ARB2A: variants seen among roughly 807,000 people sequenced by gnomAD.
The protein encoded by ARB2A is ARB2 cotranscriptional regulator A.
chr5:93,765,148 CCT>C, the ARB2A span, among the ~76,000 whole-genome samples: 1 of 152,110 alleles, frequency 6.6e-6, no homozygotes, highest in Admixed American at 6.5e-5. Context: ...ACAGGGATGC[CCT>C]CTCTCACCAC....
chr5:94,029,646 A>G, the ARB2A span, among the ~76,000 whole-genome samples: 1 of 151,678 alleles, frequency 6.6e-6, no homozygotes, highest in African/African-American at 2.4e-5. Context: ...AACTTTGTTC[A>G]CTTAGGTAAA....
At chr5:93,701,169 C>T in the ARB2A span, among the ~76,000 whole-genome samples, 1 of 152,108 alleles carries the variant, frequency 6.6e-6, no homozygotes, top group African/African-American at 2.4e-5. Context: ...GTAGTGTTTG[C>T]ACTTTCATTA....
At chr5:93,921,371 G>A in the ARB2A span, among the ~76,000 whole-genome samples, 3 of 152,124 alleles carry the variant, frequency 2.0e-5, no homozygotes, top group Non-Finnish European at 4.4e-5. Flanking sequence ...TTAAAGGAAG[G>A]TGAAGGATCT....
At chr5:94,069,006 GCCTCGGCAACA>G in the ARB2A span, among the ~76,000 whole-genome samples, 1 of 151,006 alleles carries the variant, frequency 6.6e-6, no homozygotes, top group Non-Finnish European at 1.5e-5. Flanking sequence ...TTGCACTCCA[GCCTCGGCAACA>G]ATAGTGAAAC....
chr5:93,829,596 T>C, the ARB2A span, among the ~76,000 whole-genome samples: 2 of 152,188 alleles, frequency 1.3e-5, no homozygotes, highest in Admixed American at 6.5e-5. Flanking sequence ...TAAATCTTAG[T>C]GTAATAAATG....
At chr5:94,087,806 T>C in the ARB2A span, among the ~76,000 whole-genome samples, 2 of 152,222 alleles carry the variant, frequency 1.3e-5, no homozygotes, top group African/African-American at 4.8e-5. Context: ...TGTGTTACCA[T>C]TGCCTATGGT....
At chr5:93,889,667 A>T in the ARB2A span, among the ~76,000 whole-genome samples, 1 of 151,912 alleles carries the variant, frequency 6.6e-6, no homozygotes, top group Non-Finnish European at 1.5e-5. Flanking sequence ...AAACAGATTT[A>T]GAGACAGATT....
At chr5:93,881,357 A>G in the ARB2A span, 12 of 786,104 alleles carry the variant, frequency 1.5e-5, no homozygotes, top group African/African-American at 2.1e-4. Context: ...ATGGGAAATA[A>G]ATGATGACAA....
chr5:93,749,542 A>C, the ARB2A span, among the ~76,000 whole-genome samples: 1 of 152,188 alleles, frequency 6.6e-6, no homozygotes. Flanking sequence ...AATATAAATT[A>C]TTTCACTTAA....
the ARB2A span, among the ~76,000 whole-genome samples, chr5:93,665,482 A>G: frequency 6.6e-6 from 1 of 152,194 alleles, no homozygotes; most frequent in Admixed American, 6.5e-5. Context: ...GTCTGATAAA[A>G]CTAAAGCATA....
At chr5:93,871,985 A>G in the ARB2A span, among the ~76,000 whole-genome samples, 10 of 143,784 alleles carry the variant, frequency 7.0e-5, no homozygotes, top group Non-Finnish European at 1.0e-4. Context: ...GTCTCGGTCT[A>G]TCGCCCAGGC....
At chr5:93,929,856 C>G in the ARB2A span, among the ~76,000 whole-genome samples, 3 of 152,264 alleles carry the variant, frequency 2.0e-5, no homozygotes, top group Admixed American at 6.5e-5. Flanking sequence ...ATGAGTATAT[C>G]AGTTGAAGAG....
At chr5:93,714,387 C>T in the ARB2A span, among the ~76,000 whole-genome samples, 4 of 152,174 alleles carry the variant, frequency 2.6e-5, no homozygotes, top group Admixed American at 1.3e-4. Flanking sequence ...GGTGGTGCTG[C>T]CAGGTGCAAA....
At chr5:93,696,253 T>A in the ARB2A span, among the ~76,000 whole-genome samples, 1 of 152,218 alleles carries the variant, frequency 6.6e-6, no homozygotes, top group Non-Finnish European at 1.5e-5. Flanking sequence ...ACTTTTATTT[T>A]CTTCCTTCTC....
chr5:94,050,747 T>A, the ARB2A span: 1 of 1,605,648 alleles, frequency 6.2e-7, no homozygotes, highest in Non-Finnish European at 8.5e-7. Flanking sequence ...TAGAGCCTCG[T>A]ATCTTTTCTG....
At chr5:93,652,850 G>A in the ARB2A span, among the ~76,000 whole-genome samples, 10 of 152,104 alleles carry the variant, frequency 6.6e-5, no homozygotes, top group Non-Finnish European at 1.5e-4. Flanking sequence ...ACACACTTTG[G>A]AAAATTTTGG....
the ARB2A span, among the ~76,000 whole-genome samples, chr5:93,980,254 A>C: frequency 1.3e-5 from 2 of 152,158 alleles, no homozygotes; most frequent in African/African-American, 4.8e-5. Context: ...GTTTTATTTG[A>C]GCATACAATT....
chr5:94,085,565 A>C, the ARB2A span, among the ~76,000 whole-genome samples: 2 of 152,242 alleles, frequency 1.3e-5, no homozygotes, highest in African/African-American at 2.4e-5. Context: ...GATCCAGTAA[A>C]GCAAGCGGAA....
chr5:94,095,743 T>C, the ARB2A span, among the ~76,000 whole-genome samples: 90 of 152,236 alleles, frequency 5.9e-4, 2 homozygotes, highest in Admixed American at 5.5e-3. Flanking sequence ...ACTAAAGTCT[T>C]ACCTTCGTAG....
Sources: allele counts gnomAD v4.1 joint callset (sites outside exome capture counted in the v4.1 genomes callset), GRCh38; gene constraint gnomAD v4.1.1; transcripts MANE v1.5; gene names NCBI Gene and HGNC (gene_info 2026-07-23, HGNC 2026-07-21).